OR10J1: variants seen among roughly 807,000 people sequenced by gnomAD.
The protein encoded by OR10J1 is olfactory receptor 10J1.
For missense variants in OR10J1, 474 were observed against 376.6 expected (o/e 1.26, Z -2.14); for synonymous variants, 202 against 143.8 (o/e 1.40, Z -2.89).
At chr1:159,415,155 T>A in the OR10J1 span, among the ~76,000 whole-genome samples, 4 of 152,034 alleles carry the variant, frequency 2.6e-5, no homozygotes, top group African/African-American at 9.7e-5. Flanking sequence ...GCATCAGTAT[T>A]CTGAAGGGTT....
chr1:159,414,954 T>G, the OR10J1 span, among the ~76,000 whole-genome samples: 1 of 152,104 alleles, frequency 6.6e-6, no homozygotes, highest in African/African-American at 2.4e-5. Context: ...GGTGAGTTCC[T>G]TGTATATTCT....
the OR10J1 span, among the ~76,000 whole-genome samples, chr1:159,421,291 C>T: frequency 2.6e-5 from 4 of 152,076 alleles, no homozygotes; most frequent in Non-Finnish European, 5.9e-5. Flanking sequence ...TTAAAATTCA[C>T]ATCCTGATTT....
chr1:159,414,222 C>T, the OR10J1 span, among the ~76,000 whole-genome samples: 4 of 152,022 alleles, frequency 2.6e-5, no homozygotes, highest in African/African-American at 9.7e-5. Context: ...ACCCATTGAC[C>T]AACTTCTCTT....
At chr1:159,419,570 C>T in the OR10J1 span, among the ~76,000 whole-genome samples, 2 of 152,102 alleles carry the variant, frequency 1.3e-5, no homozygotes, top group Non-Finnish European at 2.9e-5. Flanking sequence ...TCAGGTATGC[C>T]TTTATTAGCA....
At chr1:159,420,943 C>T in the OR10J1 span, among the ~76,000 whole-genome samples, 5 of 152,084 alleles carry the variant, frequency 3.3e-5, no homozygotes, top group African/African-American at 4.8e-5. Context: ...TCCCAAATAA[C>T]TTGCTAGACT....
the OR10J1 span, among the ~76,000 whole-genome samples, chr1:159,417,980 C>T: frequency 6.6e-6 from 1 of 152,016 alleles, no homozygotes; most frequent in Admixed American, 6.6e-5. Flanking sequence ...ATGCCCCTGC[C>T]CCAGAGATTT....
chr1:159,434,684 G>A (rs1477629435), upstream of OR10J1, among the ~76,000 whole-genome samples: 1 of 152,156 alleles, frequency 6.6e-6, no homozygotes, highest in Non-Finnish European at 1.5e-5. Context: ...CATGTGTCCT[G>A]TTATGATACT....
the OR10J1 span, among the ~76,000 whole-genome samples, chr1:159,403,213 C>T: frequency 6.6e-6 from 1 of 152,030 alleles, no homozygotes; most frequent in African/African-American, 2.4e-5. Flanking sequence ...GCAAAAATTT[C>T]TTGAGCAATA....
At chr1:159,417,673 G>C in the OR10J1 span, among the ~76,000 whole-genome samples, 2 of 152,160 alleles carry the variant, frequency 1.3e-5, no homozygotes, top group African/African-American at 4.8e-5. Flanking sequence ...AAGACTAACA[G>C]TAAATTGGTA....
At chr1:159,430,883 T>C in the OR10J1 span, among the ~76,000 whole-genome samples, 2 of 152,174 alleles carry the variant, frequency 1.3e-5, no homozygotes, top group Non-Finnish European at 2.9e-5. Context: ...TTCTATTTTG[T>C]AGATGAGCAC....
chr1:159,406,368 T>G, the OR10J1 span: 1 of 430,002 alleles, frequency 2.3e-6, no homozygotes, highest in East Asian at 5.7e-5. Context: ...ACCTTGGCAC[T>G]GAAGAATGTC....
the OR10J1 span, among the ~76,000 whole-genome samples, chr1:159,399,137 A>G: frequency 2.0e-5 from 3 of 152,286 alleles, no homozygotes; most frequent in East Asian, 1.9e-4. Flanking sequence ...AACATGACAT[A>G]TTTTAAATGT....
chr1:159,432,248 G>A, the OR10J1 span: 1 of 400,942 alleles, frequency 2.5e-6, no homozygotes, highest in East Asian at 3.6e-5. Context: ...TTACATTTGA[G>A]GGTTTCTCCA....
At chr1:159,411,445 T>C in the OR10J1 span, among the ~76,000 whole-genome samples, 1 of 152,218 alleles carries the variant, frequency 6.6e-6, no homozygotes, top group Admixed American at 6.5e-5. Context: ...CCCTTTACTA[T>C]TATGCAGTGG....
chr1:159,411,464 G>T, the OR10J1 span, among the ~76,000 whole-genome samples: 3 of 152,206 alleles, frequency 2.0e-5, no homozygotes, highest in South Asian at 2.1e-4. Context: ...GGCCTTCTTT[G>T]TCTCTTTTGA....
At chr1:159,423,771 A>G in the OR10J1 span, among the ~76,000 whole-genome samples, 1 of 152,242 alleles carries the variant, frequency 6.6e-6, no homozygotes, top group African/African-American at 2.4e-5. Flanking sequence ...TAGGGAAAAG[A>G]AGAATTCTGA....
chr1:159,434,198 A>G (rs1655670486), upstream of OR10J1, among the ~76,000 whole-genome samples: 1 of 152,180 alleles, frequency 6.6e-6, no homozygotes, highest in Non-Finnish European at 1.5e-5. Flanking sequence ...TCAGGATTTA[A>G]ACACGTGCAA....
chr1:159,432,482 C>T, the OR10J1 span: 6 of 421,144 alleles, frequency 1.4e-5, no homozygotes, highest in African/African-American at 1.0e-4. Flanking sequence ...AACAAACCAT[C>T]TCCATCCCAG....
chr1:159,437,672 C>T (rs977247391), upstream of OR10J1, among the ~76,000 whole-genome samples: 1 of 132,326 alleles, frequency 7.6e-6, no homozygotes, highest in African/African-American at 2.5e-5. Flanking sequence ...CATAATGAGA[C>T]CTCCAGGTAC....
Sources: gnomAD v4.1 joint callset for allele counts (sites outside exome capture counted in the v4.1 genomes callset) on GRCh38, gnomAD v4.1.1 for gene constraint, MANE v1.5 for transcripts, NCBI Gene and HGNC (gene_info 2026-07-23, HGNC 2026-07-21) for gene names.